The following KALRN variants were observed in gnomAD, a reference collection of about 807,000 sequenced individuals.
The protein encoded by KALRN is kalirin RhoGEF kinase.
KALRN carries 70 observed loss-of-function variants against 353.7 expected under a neutral mutation model. The ratio of observed to expected loss-of-function variants is 0.20; its 90% CI spans 0.16 to 0.24. The LOEUF (loss-of-function observed/expected upper bound fraction) is 0.24. Among genes scored for constraint, KALRN ranks in the 10% least tolerant of loss-of-function variants. The pLI, the probability that KALRN is intolerant of heterozygous loss-of-function variation, is 1.00. For missense variants in KALRN, 2,791 were observed against 3,756.7 expected (o/e 0.74, Z 6.72); for synonymous variants, 1,391 against 1,434.8 (o/e 0.97, Z 0.69).
At chr3:124,161,283 A>G (rs1476666392) in intron 1 of KALRN, among the ~76,000 whole-genome samples, 2 of 152,170 alleles carry the variant, frequency 1.3e-5, no homozygotes, top group African/African-American at 4.8e-5. Flanking sequence ...GAATGCTTGT[A>G]TTTGCAATCA....
Position 124,390,891 on chromosome 3 carries a change from G to A in KALRN, c.1963-4244G>A, listed in dbSNP as rs549543992. 1.3e-4 allele frequency among the ~76,000 whole-genome samples: 19 copies of A among 151,908 alleles called. No homozygotes were observed. The South Asian group carries it at 2.1e-3, about 17-fold the overall frequency. On this transcript the variant is annotated intron_variant, in intron 11 of 59. Transcript: ENST00000682506. ...TTCCTTCCTGTCTTTTTCAGTTGCCGCTTTCTCAGGCTGCCCCATTATGCA... is the reference window on the plus strand; with the variant it reads ...TTCCTTCCTGTCTTTTTCAGTTGCCACTTTCTCAGGCTGCCCCATTATGCA...
intron 57 of KALRN, among the ~76,000 whole-genome samples, chr3:124,706,065 C>A (rs1054452774): frequency 6.6e-6 from 1 of 152,082 alleles, no homozygotes; most frequent in Non-Finnish European, 1.5e-5. Flanking sequence ...CACCATTATG[C>A]CCAGCTAACT....
chr3:124,311,503 G>A lies in KALRN; in HGVS notation c.1092+12590G>A, dbSNP rs185353348. On this transcript the variant is annotated intron_variant, in intron 6 of 59. Transcript: ENST00000682506. ...AAAACTCTGATAATAACAAATGTTA[G>A]CAAGGATATGGAGAAGTCAGAATGC... Among the ~76,000 whole-genome samples, 380 of 152,120 alleles carry A rather than the reference G, an allele frequency of 2.5e-3. 7 individuals are homozygous for A. Among genetic ancestry groups the A allele is most frequent in the Admixed American group, 0.022 (330 of 15,280 alleles).
At chr3:124,111,858 C>G (rs2063007042) in intron 1 of KALRN, among the ~76,000 whole-genome samples, 1 of 152,088 alleles carries the variant, frequency 6.6e-6, no homozygotes, top group African/African-American at 2.4e-5. Context: ...ACTCCCCAAA[C>G]TTAATCATAT....
At chr3:124,549,366 T>TAATCTCACACACACAC (rs2070162817) in intron 33 of KALRN, among the ~76,000 whole-genome samples, 4 of 142,238 alleles carry the variant, frequency 2.8e-5, no homozygotes, top group South Asian at 4.6e-4. Flanking sequence ...CACACACACA[T>TAATCTCACACACACAC]AATCTCACAC....
At chr3:124,558,597 C>A (rs149029776) in intron 33 of KALRN, among the ~76,000 whole-genome samples, 194 of 152,328 alleles carry the variant, frequency 1.3e-3, no homozygotes, top group African/African-American at 4.6e-3. Context: ...ATTTTTTAGA[C>A]AATCATTTAG....
intron 57 of KALRN, among the ~76,000 whole-genome samples, chr3:124,709,424 C>T (rs779314193): frequency 5.9e-5 from 9 of 152,208 alleles, no homozygotes; most frequent in Middle Eastern, 6.8e-3. Context: ...ATTACAGGCA[C>T]GCACAACCAT....
At chr3:124,425,887 A>G (rs1445352832) in intron 15 of KALRN, among the ~76,000 whole-genome samples, 1 of 152,204 alleles carries the variant, frequency 6.6e-6, no homozygotes, top group Non-Finnish European at 1.5e-5. Flanking sequence ...ACTAATATCT[A>G]TATACATTCC....
intron 33 of KALRN, chr3:124,504,849 C>T (rs916442622): frequency 1.9e-5 from 9 of 477,408 alleles, no homozygotes; most frequent in African/African-American, 7.9e-5. Context: ...TTGAAATCCA[C>T]TTTATTATTA....
At chr3:124,185,114 C>G (rs2074059129) in intron 1 of KALRN, among the ~76,000 whole-genome samples, 1 of 152,182 alleles carries the variant, frequency 6.6e-6, no homozygotes, top group Admixed American at 6.5e-5. Context: ...TTCCTGGGCT[C>G]AAGTGATTCT....
intron 13 of KALRN, among the ~76,000 whole-genome samples, chr3:124,409,151 G>A (rs562874158): frequency 2.6e-4 from 40 of 152,300 alleles, no homozygotes; most frequent in African/African-American, 8.4e-4. Flanking sequence ...ATTCAGGAGA[G>A]TGGGGGAGAC....
intron 33 of KALRN, among the ~76,000 whole-genome samples, chr3:124,509,887 C>T (rs142337883): frequency 9.9e-4 from 150 of 152,254 alleles, no homozygotes; most frequent in Non-Finnish European, 1.5e-3. Flanking sequence ...AGTTACTCAA[C>T]CCAAAGGATA....
chr3:124,691,721 T>C (rs979059049), intron 51 of KALRN, among the ~76,000 whole-genome samples: 1 of 152,226 alleles, frequency 6.6e-6, no homozygotes, highest in African/African-American at 2.4e-5. Context: ...TTTCTTTGAC[T>C]GTCAAATGAC....
intron 1 of KALRN, among the ~76,000 whole-genome samples, chr3:124,175,083 T>A (rs1480266506): frequency 2.6e-5 from 4 of 152,136 alleles, no homozygotes; most frequent in Non-Finnish European, 5.9e-5. Flanking sequence ...ATGAGGTGAT[T>A]TGTAGGGCCC....
chr3:124,077,682 CA>C (rs1005669303), intron 1 of KALRN, among the ~76,000 whole-genome samples: 2 of 152,216 alleles, frequency 1.3e-5, no homozygotes, highest in African/African-American at 4.8e-5. Flanking sequence ...CAATAGGCTT[CA>C]AACCTGACTC....
At position 124,065,947 on chromosome 3, in the gene KALRN, C is replaced by T. The variant is rs975037316; in HGVS notation, c.73+32134C>T. Among the ~76,000 whole-genome samples the T allele has an allele frequency of 1.7e-4, 26 of 152,206 alleles. 1 individual carries two copies. Among genetic ancestry groups the T allele is most frequent in the African/African-American group, 6.3e-4 (26 of 41,442 alleles). ...AACTTTTCTGGAAGCCAGTCAGAGACATCCAACTCAGCTCACTTTCCAGTT... is the reference window on the plus strand; with the variant it reads ...AACTTTTCTGGAAGCCAGTCAGAGATATCCAACTCAGCTCACTTTCCAGTT... On this transcript the variant is annotated intron_variant, in intron 1 of 59. Coordinates refer to ENST00000682506, the MANE Select transcript of KALRN (RefSeq NM_001388419.1).
chr3:124,059,480 A>T (rs2041830491), intron 1 of KALRN, among the ~76,000 whole-genome samples: 1 of 152,138 alleles, frequency 6.6e-6, no homozygotes. Context: ...TCACCATGTT[A>T]TACAATAGAT....
intron 34 of KALRN, among the ~76,000 whole-genome samples, chr3:124,615,861 C>T (rs2078527890): frequency 6.6e-6 from 1 of 152,136 alleles, no homozygotes; most frequent in Non-Finnish European, 1.5e-5. Context: ...TGAGCTTGGT[C>T]AGGAGGCTTA....
At chr3:124,230,432 A>G (rs929218085) in intron 2 of KALRN, among the ~76,000 whole-genome samples, 4 of 152,310 alleles carry the variant, frequency 2.6e-5, no homozygotes, top group Non-Finnish European at 4.4e-5. Context: ...TGCATGCACA[A>G]TACACTCTGA....
Sources: gnomAD v4.1 joint callset for allele counts (sites outside exome capture counted in the v4.1 genomes callset) on GRCh38, gnomAD v4.1.1 for gene constraint, MANE v1.5 for transcripts, NCBI Gene and HGNC (gene_info 2026-07-23, HGNC 2026-07-21) for gene names.